Variants in NT5DC1 observed in about 807,000 individuals in gnomAD.
NT5DC1 encodes 5'-nucleotidase domain containing 1, also known as 5'-nucleotidase domain-containing protein 1.
NT5DC1 carries 42 observed loss-of-function variants against 59.4 expected under a neutral mutation model. That is an observed-to-expected ratio of 0.71 (90% CI 0.55 to 0.92). The LOEUF (loss-of-function observed/expected upper bound fraction) is 0.92. Ranked by LOEUF, NT5DC1 falls within the 40% of genes least tolerant of loss-of-function variation. The pLI is 0.00. For synonymous variants in NT5DC1, 172 were observed against 188.1 expected, an observed-to-expected ratio of 0.91 and a Z score of 0.70; for missense variants, 501 against 537.1, an observed-to-expected ratio of 0.93 and a Z score of 0.66.
At chr6:116,158,100 C>CT (rs146267631) in intron 6 of NT5DC1, among the ~76,000 whole-genome samples, 1 of 152,142 alleles carries the variant, frequency 6.6e-6, no homozygotes. Context: ...ACTACAAGAA[C>CT]TTTCTAGTTT....
chr6:116,139,356 A>G (rs1779706198), intron 6 of NT5DC1, among the ~76,000 whole-genome samples: 2 of 152,226 alleles, frequency 1.3e-5, no homozygotes, highest in South Asian at 4.2e-4. Context: ...TAATACAATT[A>G]TTATATTTTG....
chr6:116,161,890 A>G (rs1780341335), intron 6 of NT5DC1, among the ~76,000 whole-genome samples: 2 of 152,126 alleles, frequency 1.3e-5, no homozygotes. Flanking sequence ...TGTTTGTGTC[A>G]TCTACAGTTT....
intron 6 of NT5DC1, among the ~76,000 whole-genome samples, chr6:116,132,599 G>C (rs1779496869): frequency 6.6e-6 from 1 of 151,944 alleles, no homozygotes; most frequent in African/African-American, 2.4e-5. Flanking sequence ...TTATTTTTCA[G>C]ACAAGGAAAC....
At chr6:116,230,982 C>T (rs573208498) in intron 8 of NT5DC1, among the ~76,000 whole-genome samples, 1 of 151,970 alleles carries the variant, frequency 6.6e-6, no homozygotes, top group Non-Finnish European at 1.5e-5. Flanking sequence ...TGGCAGGTGC[C>T]TGTAATTCCA....
rs73772270 is a variant in NT5DC1 at position 116,137,123 on chromosome 6, G to T, written c.529+19178G>T. 350 of 212,562 alleles carry T rather than the reference G, an allele frequency of 1.6e-3. 2 individuals carry two copies. Among genetic ancestry groups the T allele is most frequent in the African/African-American group, 8.0e-3 (344 of 43,098 alleles). The allele number at this position is 212,562 out of a possible 1,614,324, so 13.2% of individuals were successfully genotyped here. On this transcript the variant is annotated intron_variant, in intron 6 of 11. Coordinates refer to ENST00000319550, the MANE Select transcript of NT5DC1 (RefSeq NM_152729.3). ...TTTGCTTGATGAAATACCACAAATC[G>T]GTGGGGTCTCCTTTTCTGCAGTCTT...
At chr6:116,190,318 A>T (rs138167684) in intron 6 of NT5DC1, among the ~76,000 whole-genome samples, 1 of 151,984 alleles carries the variant, frequency 6.6e-6, no homozygotes, top group African/African-American at 2.4e-5. Context: ...AAAAAATGAG[A>T]TTATTACCAT....
chr6:116,203,488 A>G (rs1002520615), intron 6 of NT5DC1, among the ~76,000 whole-genome samples: 4 of 151,856 alleles, frequency 2.6e-5, no homozygotes, highest in Admixed American at 2.6e-4. Flanking sequence ...TCCTGCATCT[A>G]GTGGCTCTTC....
At chr6:116,169,672 A>G (rs953553998) in intron 6 of NT5DC1, among the ~76,000 whole-genome samples, 9 of 152,188 alleles carry the variant, frequency 5.9e-5, no homozygotes, top group African/African-American at 1.9e-4. Context: ...TAACAAATGG[A>G]TAAAACATGA....
chr6:116,176,646 T>C (rs1780740171), intron 6 of NT5DC1, among the ~76,000 whole-genome samples: 1 of 152,194 alleles, frequency 6.6e-6, no homozygotes, highest in East Asian at 1.9e-4. Flanking sequence ...TAATAGAGTT[T>C]TTCTTCCACC....
At chr6:116,151,719 T>C (rs1408973436) in intron 6 of NT5DC1, among the ~76,000 whole-genome samples, 3 of 152,236 alleles carry the variant, frequency 2.0e-5, no homozygotes, top group Non-Finnish European at 4.4e-5. Flanking sequence ...TAATGGGAAT[T>C]AAGTATGTTC....
intron 11 of NT5DC1, among the ~76,000 whole-genome samples, chr6:116,242,815 C>T (rs1416032087): frequency 6.6e-6 from 1 of 152,190 alleles, no homozygotes; most frequent in African/African-American, 2.4e-5. Context: ...CAGCAGAGTC[C>T]AGTTCTCTGA....
At chr6:116,137,533 C>T (rs2114352977) in intron 6 of NT5DC1, 1 of 212,906 alleles carries the variant, frequency 4.7e-6, no homozygotes, top group East Asian at 1.1e-4. Flanking sequence ...TTCACAGTCT[C>T]CTCAAACATT....
At chr6:116,145,988 C>G (rs934119357) in intron 6 of NT5DC1, among the ~76,000 whole-genome samples, 2 of 152,182 alleles carry the variant, frequency 1.3e-5, no homozygotes, top group African/African-American at 4.8e-5. Flanking sequence ...AGAAATCTTT[C>G]CTTACTTACT....
At chr6:116,157,547 G>A (rs1780226905) in intron 6 of NT5DC1, among the ~76,000 whole-genome samples, 1 of 152,172 alleles carries the variant, frequency 6.6e-6, no homozygotes, top group African/African-American at 2.4e-5. Flanking sequence ...AGAGATTTGA[G>A]TCCAATGGGG....
At chr6:116,109,538 G>A (rs906237854) in intron 3 of NT5DC1, among the ~76,000 whole-genome samples, 10 of 152,230 alleles carry the variant, frequency 6.6e-5, no homozygotes, top group African/African-American at 2.4e-4. Context: ...CCTTGTCCCA[G>A]TACCCCTCCT....
rs926745976 is a variant in NT5DC1, at chr6:116,110,945, C to T, written c.353C>T (p.Ala118Val). The stretch of plus-strand genomic sequence containing the variant: ...CACTTCTTGTCGGACACTGGAATGG[C>T]TTGCCGCTCAGGTATGACTCAAATG... ...WKHFLSDTGM[A>V]CRSGKYYFYD... Residue 118 changes from alanine to valine, a missense_variant, in exon 4 of 12, where the codon GCT becomes GTT. Coordinates refer to ENST00000319550, the MANE Select transcript of NT5DC1 (RefSeq NM_152729.3). 11 of 1,609,558 alleles carry T rather than the reference C, an allele frequency of 6.8e-6. No homozygotes were observed. Among genetic ancestry groups the T allele is most frequent in the Non-Finnish European group, 9.4e-6 (11 of 1,176,020 alleles).
At chr6:116,158,054 T>G (rs886093802) in intron 6 of NT5DC1, among the ~76,000 whole-genome samples, 4 of 152,216 alleles carry the variant, frequency 2.6e-5, no homozygotes, top group Non-Finnish European at 5.9e-5. Context: ...CATCACATAT[T>G]GGCAGCTTCA....
intron 4 of NT5DC1, among the ~76,000 whole-genome samples, chr6:116,114,353 C>T (rs1778926912): frequency 6.6e-6 from 1 of 152,034 alleles, no homozygotes. Flanking sequence ...TGGTTTTCTT[C>T]TAATTTCCTT....
At chr6:116,134,583 G>A (rs1386459083) in intron 6 of NT5DC1, among the ~76,000 whole-genome samples, 1 of 152,182 alleles carries the variant, frequency 6.6e-6, no homozygotes, top group Non-Finnish European at 1.5e-5. Flanking sequence ...TTTGCCTCAT[G>A]CTTGTGGATG....
Sources: allele counts gnomAD v4.1 joint callset (sites outside exome capture counted in the v4.1 genomes callset), GRCh38; gene constraint gnomAD v4.1.1; transcripts MANE v1.5; gene names NCBI Gene and HGNC (gene_info 2026-07-23, HGNC 2026-07-21).